Variants in ATF7IP2 observed in about 807,000 individuals in gnomAD.
ATF7IP2 encodes activating transcription factor 7-interacting protein 2.
In ATF7IP2, 42 loss-of-function variants were observed where a neutral mutation model predicts 64.2. That is an observed-to-expected ratio of 0.65 (90% CI 0.51 to 0.85). The LOEUF is 0.85. ATF7IP2 is among the 40% of genes least tolerant of loss of function. ATF7IP2 has a pLI of 0.00. For missense variants in ATF7IP2, 933 were observed against 784.2 expected (o/e 1.19, Z -2.27); for synonymous variants, 308 against 272.8 (o/e 1.13, Z -1.27).
At chr16:10,469,002 C>T (rs1290604982) in intron 9 of ATF7IP2, among the ~76,000 whole-genome samples, 3 of 152,128 alleles carry the variant, frequency 2.0e-5, no homozygotes, top group African/African-American at 7.2e-5. Flanking sequence ...CAGGCTAATC[C>T]TAAGTAATTT....
intron 1 of ATF7IP2, among the ~76,000 whole-genome samples, chr16:10,405,379 A>G (rs1373354674): frequency 6.6e-6 from 1 of 152,108 alleles, no homozygotes; most frequent in African/African-American, 2.4e-5. Flanking sequence ...TCTCAAAAAA[A>G]AAAAGTTAAT....
rs1215264808 is a variant in ATF7IP2, at chr16:10,460,671, T to C, written c.1352+3142T>C. Reference sequence around the variant, plus strand: ...TGTTTATGTTGGGGGAAATATGAAATTGGACTCCTTTGTAAAGCTATACAA... The same window carrying C: ...TGTTTATGTTGGGGGAAATATGAAACTGGACTCCTTTGTAAAGCTATACAA... On this transcript the variant is annotated intron_variant, in intron 9 of 13. Coordinates refer to ENST00000562102, the MANE Select transcript of ATF7IP2 (RefSeq NM_001393719.1). 2.6e-5 allele frequency among the ~76,000 whole-genome samples: 4 copies of C among 152,198 alleles called. No individual in the cohort carries two copies. The East Asian group carries it at 7.7e-4, about 29-fold the overall frequency.
chr16:10,470,180 A>G (rs187523991), intron 9 of ATF7IP2, among the ~76,000 whole-genome samples: 487 of 152,310 alleles, frequency 3.2e-3, no homozygotes, highest in Non-Finnish European at 6.0e-3. Flanking sequence ...TCTATATAGA[A>G]ACACTACATC....
chr16:10,431,593 C>G, intron 5 of ATF7IP2, 138 bp downstream of exon 5: 1 of 595,684 alleles, frequency 1.7e-6, no homozygotes, highest in South Asian at 3.1e-5. Context: ...TATCTTGTTT[C>G]TGAACCATTC....
intron 7 of ATF7IP2, among the ~76,000 whole-genome samples, chr16:10,438,699 A>G (rs1260262508): frequency 6.6e-6 from 1 of 152,204 alleles, no homozygotes; most frequent in African/African-American, 2.4e-5. Context: ...GCTTAGCAAT[A>G]TCGGCTTTTG....
intron 1 of ATF7IP2, among the ~76,000 whole-genome samples, chr16:10,388,905 G>A (rs1460280020): frequency 6.6e-6 from 1 of 151,998 alleles, no homozygotes; most frequent in East Asian, 1.9e-4. Flanking sequence ...CCAGCTTCTC[G>A]GGAAGCTGAG....
intron 1 of ATF7IP2, among the ~76,000 whole-genome samples, chr16:10,413,889 C>T (rs554471199): frequency 2.6e-4 from 40 of 152,214 alleles, no homozygotes; most frequent in South Asian, 8.3e-4. Context: ...GAGGGTTTGC[C>T]GAGAAATCTG....
intron 1 of ATF7IP2, among the ~76,000 whole-genome samples, chr16:10,401,962 T>C (rs1039798494): frequency 3.9e-5 from 6 of 152,088 alleles, no homozygotes; most frequent in African/African-American, 1.2e-4. Context: ...AAGGTGTCCT[T>C]CTTAATTTCT....
chr16:10,420,968 T>A (rs937783004), intron 3 of ATF7IP2, among the ~76,000 whole-genome samples: 1 of 152,232 alleles, frequency 6.6e-6, no homozygotes, highest in Non-Finnish European at 1.5e-5. Context: ...TTAGGGAGAA[T>A]CCAATTAGTT....
chr16:10,390,240 C>T (rs949366251), intron 1 of ATF7IP2, among the ~76,000 whole-genome samples: 3 of 152,110 alleles, frequency 2.0e-5, no homozygotes, highest in African/African-American at 7.2e-5. Flanking sequence ...ACTAAATCAG[C>T]ATGCACCCAT....
chr16:10,422,021 G>A lies in ATF7IP2; in HGVS notation c.-160+2398G>A, dbSNP rs145262539. ...CCTGGCTGCAATGCCCCCATAGGTT[G>A]TATAACTGAATTAATGGCCCTTAAG... On this transcript the variant is annotated intron_variant, in intron 3 of 13. Coordinates refer to ENST00000562102, the MANE Select transcript of ATF7IP2 (RefSeq NM_001393719.1). 1.8e-3 allele frequency among the ~76,000 whole-genome samples: 267 copies of A among 152,326 alleles called. 2 individuals are homozygous for A. Among genetic ancestry groups the A allele is most frequent in the Non-Finnish European group, 3.2e-3 (217 of 68,020 alleles).
chr16:10,449,314 T>C (rs1437606256), intron 8 of ATF7IP2: 1 of 152,220 alleles, frequency 6.6e-6, no homozygotes, highest in Non-Finnish European at 1.5e-5. Flanking sequence ...AGGATGACGC[T>C]GGACTCATAA....
rs564342446 is a variant in ATF7IP2, at chr16:10,431,249, A to G, written c.629A>G (p.His210Arg). 3.1e-6 allele frequency: 5 copies of G among 1,614,206 alleles called. No individual in the cohort carries two copies. The highest frequency in any genetic ancestry group is 3.3e-5 in the Admixed American group (2 of 60,030). Residue 210 changes from histidine (H) to arginine (R), a missense_variant, in exon 5 of 14, where the codon CAT becomes CGT. Coordinates refer to ENST00000562102, the MANE Select transcript of ATF7IP2 (RefSeq NM_001393719.1). ...GAAACAAACTCCAATTCAGAATCAC[A>G]TGATAAAAGGCAAAGTGACAACATT... is the stretch of plus-strand genomic sequence containing the variant. ...HLETNSNSES[H>R]DKRQSDNILC...
intron 10 of ATF7IP2, among the ~76,000 whole-genome samples, chr16:10,472,417 A>G (rs538623135): frequency 6.6e-6 from 1 of 152,000 alleles, no homozygotes; most frequent in African/African-American, 2.4e-5. Context: ...TGTTTCTTTT[A>G]TGTGTTTAAT....
intron 2 of ATF7IP2, among the ~76,000 whole-genome samples, 181 bp downstream of exon 2, chr16:10,414,793 T>A (rs1294363488): frequency 6.6e-6 from 1 of 152,106 alleles, no homozygotes; most frequent in Non-Finnish European, 1.5e-5. Flanking sequence ...TTGTTCAGAT[T>A]CTTTTGTCCC....
At position 10,463,325 on chromosome 16, in the gene ATF7IP2, C is replaced by T. The variant is rs1054191240; in HGVS notation, c.1352+5796C>T. Among the ~76,000 whole-genome samples, 4 of 152,292 alleles carry T rather than the reference C, an allele frequency of 2.6e-5. No homozygotes were observed. The East Asian group carries it at 7.7e-4, about 29-fold the overall frequency. ...GATTTTAAATATGTCCACAAATTTT[C>T]GATACCCCTCCTTTAAAATGTGAAG... On this transcript the variant is annotated intron_variant, in intron 9 of 13. Transcript: ENST00000562102.
chr16:10,387,824 T>TCCCCCCCCCCCCCCC (rs5815573), intron 1 of ATF7IP2: 15 of 130,576 alleles, frequency 1.1e-4, no homozygotes, highest in African/African-American at 1.5e-4. Context: ...TCTATTTTAC[T>TCCCCCCCCCCCCCCC]CCCCCCCCCT....
chr16:10,435,793 C>T (rs1223475978), intron 6 of ATF7IP2, among the ~76,000 whole-genome samples: 2 of 152,146 alleles, frequency 1.3e-5, no homozygotes, highest in Admixed American at 6.5e-5. Context: ...ACTTTCCAGG[C>T]TCCTTTCCAA....
chr16:10,391,237 C>T (rs1425439865), intron 1 of ATF7IP2, among the ~76,000 whole-genome samples: 2 of 151,486 alleles, frequency 1.3e-5, no homozygotes, highest in African/African-American at 4.9e-5. Flanking sequence ...GGGTGGATTG[C>T]TGGAGCCCAG....
Sources: gnomAD v4.1 joint callset for allele counts (sites outside exome capture counted in the v4.1 genomes callset) on GRCh38, gnomAD v4.1.1 for gene constraint, MANE v1.5 for transcripts, NCBI Gene and HGNC (gene_info 2026-07-23, HGNC 2026-07-21) for gene names.